The following MYO9A variants were observed in gnomAD, a reference collection of about 807,000 sequenced individuals.
MYO9A encodes unconventional myosin-IXa.
A neutral mutation model predicts 293.3 loss-of-function variants in MYO9A; 103 were observed. That is an observed-to-expected ratio of 0.35 (90% CI 0.30 to 0.41). The LOEUF is 0.41. MYO9A is among the 10% of genes least tolerant of loss of function. The pLI, the probability that MYO9A is intolerant of heterozygous loss-of-function variation, is 1.00. For missense variants in MYO9A, 2,685 were observed against 3,033.0 expected, an observed-to-expected ratio of 0.89 and a Z score of 2.69; for synonymous variants, 1,001 against 1,035.7, an observed-to-expected ratio of 0.97 and a Z score of 0.64.
At position 71,897,758 on chromosome 15, in the gene MYO9A, G is replaced by A. The variant is rs769266672; in HGVS notation, c.4745C>T (p.Ala1582Val). Residue 1582 changes from alanine to valine, a missense_variant, in exon 25 of 42, where the codon GCA (alanine) becomes GTA (valine). Transcript: ENST00000356056. Reference protein sequence around the residue: ...NVLGSLSLKDAALAQKDSSSA... With the variant: ...NVLGSLSLKDVALAQKDSSSA... The stretch of plus-strand genomic sequence containing the variant: ...GGAACTGTCTTTTTGGGCAAGAGCT[G>A]CATCTTTTAATGATAGGGACCCCAG... The A allele has an allele frequency of 3.7e-6, 6 of 1,613,942 alleles. No homozygotes were observed. The South Asian group carries it at 5.5e-5, about 15-fold the overall frequency.
At chr15:71,887,414 A>C (rs999352320) in intron 27 of MYO9A, among the ~76,000 whole-genome samples, 4 of 152,142 alleles carry the variant, frequency 2.6e-5, no homozygotes, top group Non-Finnish European at 1.5e-5. Flanking sequence ...GCAGGATATA[A>C]ATTTGAAAGG....
chr15:71,907,795 GT>G (rs1262592005), intron 19 of MYO9A, among the ~76,000 whole-genome samples: 10 of 152,066 alleles, frequency 6.6e-5, no homozygotes, highest in Admixed American at 4.6e-4. Context: ...GGGGTTGTTT[GT>G]TTTTTTCTTG....
intron 15 of MYO9A, among the ~76,000 whole-genome samples, chr15:71,947,555 CATTTT>C (rs1294723507): frequency 1.3e-5 from 2 of 152,072 alleles, no homozygotes; most frequent in East Asian, 3.9e-4. Context: ...GTTACATATA[CATTTT>C]ATTTTTCAAA....
chr15:72,069,215 A>C (rs2079109012), intron 1 of MYO9A, among the ~76,000 whole-genome samples: 1 of 152,196 alleles, frequency 6.6e-6, no homozygotes, highest in African/African-American at 2.4e-5. Context: ...CAGCATAGGG[A>C]CTGGTAAATA....
intron 19 of MYO9A, among the ~76,000 whole-genome samples, chr15:71,910,978 A>C (rs2057829962): frequency 6.6e-6 from 1 of 152,150 alleles, no homozygotes; most frequent in Admixed American, 6.6e-5. Context: ...CAAATCAATG[A>C]GTTTTAGTAA....
intron 5 of MYO9A, among the ~76,000 whole-genome samples, chr15:72,019,613 T>G (rs1566954766): frequency 6.6e-6 from 1 of 152,232 alleles, no homozygotes; most frequent in Non-Finnish European, 1.5e-5. Context: ...CAGAAATGGA[T>G]ACTTTAAATA....
intron 2 of MYO9A, among the ~76,000 whole-genome samples, chr15:72,040,796 AAAAAG>A (rs2078205479): frequency 6.6e-6 from 1 of 152,244 alleles, no homozygotes; most frequent in African/African-American, 2.4e-5. Context: ...TAAGTCACAA[AAAAAG>A]AAATCAAAAG....
At chr15:71,934,743 T>C (rs766301373) in intron 17 of MYO9A, among the ~76,000 whole-genome samples, 1 of 150,054 alleles carries the variant, frequency 6.7e-6, no homozygotes, top group Non-Finnish European at 1.5e-5. Flanking sequence ...TGGAACTACA[T>C]GCATGCACTA....
intron 1 of MYO9A, among the ~76,000 whole-genome samples, chr15:72,072,070 G>A (rs2079208628): frequency 8.2e-6 from 1 of 121,582 alleles, no homozygotes; most frequent in African/African-American, 3.2e-5. Flanking sequence ...GAGAGCCCAT[G>A]TCAAAAAAAA....
intron 8 of MYO9A, among the ~76,000 whole-genome samples, chr15:72,006,059 C>T (rs565444341): frequency 6.6e-6 from 1 of 152,192 alleles, no homozygotes; most frequent in South Asian, 2.1e-4. Context: ...GCTATCAAGT[C>T]ACAGAAAGAC....
intron 15 of MYO9A, among the ~76,000 whole-genome samples, chr15:71,942,848 A>T (rs1000701397): frequency 9.9e-5 from 15 of 152,104 alleles, no homozygotes; most frequent in African/African-American, 3.6e-4. Flanking sequence ...CTTTATATAT[A>T]CATTTACCAA....
rs1189990553 is a variant in MYO9A at position 71,900,025 on chromosome 15, A to T, written c.3151-19T>A. Reference sequence around the variant, plus strand: ...AGAATCTCTATGGGGAAGACAAAATAACAGAAACTGGTTGTCATATCTTAC... The same window carrying T: ...AGAATCTCTATGGGGAAGACAAAATTACAGAAACTGGTTGTCATATCTTAC... On this transcript the variant is annotated intron_variant, in intron 23 of 41. Transcript: ENST00000356056. The T allele has an allele frequency of 6.3e-7, 1 of 1,580,784 alleles. No homozygotes were observed. The highest frequency in any genetic ancestry group is 8.6e-7 in the Non-Finnish European group (1 of 1,159,954).
intron 9 of MYO9A, among the ~76,000 whole-genome samples, chr15:71,996,066 T>A (rs1263952589): frequency 6.6e-6 from 1 of 152,180 alleles, no homozygotes; most frequent in East Asian, 1.9e-4. Context: ...TCCTTGGATG[T>A]GGAATCTGTG....
In MYO9A at chr15:72,043,241, T is replaced by A. The variant is rs372586884; in HGVS notation, c.840+2483A>T. Reference sequence around the variant, plus strand: ...ATCCTCAAAAATATTGAGAGATAAATCTTACCAAAGATGTAAAAGACCTGT... The same window carrying A: ...ATCCTCAAAAATATTGAGAGATAAAACTTACCAAAGATGTAAAAGACCTGT... On this transcript the variant is annotated intron_variant, in intron 2 of 41. Transcript: ENST00000356056. Among the ~76,000 whole-genome samples, 37 of 152,208 alleles carry A rather than the reference T, an allele frequency of 2.4e-4. 1 individual carries two copies. The highest frequency in any genetic ancestry group is 1.0e-3 in the Admixed American group (16 of 15,290).
chr15:71,830,031 G>GA lies in MYO9A; in HGVS notation c.7040+77dup. On this transcript the variant is annotated intron_variant, in intron 40 of 41. Coordinates refer to ENST00000356056, the MANE Select transcript of MYO9A (RefSeq NM_006901.4). Reference sequence around the variant, plus strand: ...TTAACACACAGGAGATAATAAATAAGAAAAAATAAAGAAACGATAGAAGGA... The same window carrying GA: ...TTAACACACAGGAGATAATAAATAAGAAAAAAATAAAGAAACGATAGAAGGA... 4.9e-6 allele frequency: 7 copies of GA among 1,425,878 alleles called. No individual in the cohort carries two copies. In the South Asian group the frequency reaches 6.0e-5, roughly 12 times the overall value. 88.3% of individuals were successfully genotyped at this position (1,425,878 alleles called of 1,614,324 possible).
intron 3 of MYO9A, among the ~76,000 whole-genome samples, chr15:72,028,220 TATATATATATATATATATAA>T: frequency 7.4e-6 from 1 of 135,828 alleles, no homozygotes; most frequent in East Asian, 2.1e-4. Flanking sequence ...AATAAATAAA[TATATATATATATATATATAA>T]ATATATATAT....
intron 8 of MYO9A, among the ~76,000 whole-genome samples, chr15:72,004,202 T>C (rs891284018): frequency 1.3e-5 from 2 of 152,172 alleles, no homozygotes; most frequent in Non-Finnish European, 2.9e-5. Context: ...TAGCAATGGG[T>C]TCAATATCCA....
intron 12 of MYO9A, among the ~76,000 whole-genome samples, chr15:71,976,591 A>G (rs1030938935): frequency 1.3e-5 from 2 of 152,220 alleles, no homozygotes; most frequent in Non-Finnish European, 2.9e-5. Context: ...TCACCTATAA[A>G]GCCTTCCCAA....
chr15:71,832,382 TAAA>T (rs2054764144), intron 39 of MYO9A, among the ~76,000 whole-genome samples: 1 of 151,068 alleles, frequency 6.6e-6, no homozygotes, highest in Non-Finnish European at 1.5e-5. Flanking sequence ...AAGAAAGAAA[TAAA>T]AAGAAGTCTA....
Sources: allele counts gnomAD v4.1 joint callset (sites outside exome capture counted in the v4.1 genomes callset), GRCh38; gene constraint gnomAD v4.1.1; transcripts MANE v1.5; gene names NCBI Gene and HGNC (gene_info 2026-07-23, HGNC 2026-07-21).